RAB1A: variants seen among roughly 807,000 people sequenced by gnomAD.
RAB1A encodes the protein RAB1A, member RAS oncogene family, also known as ras-related protein Rab-1A.
RAB1A carries 2 observed loss-of-function variants against 26.0 expected under a neutral mutation model. That is an observed-to-expected ratio of 0.08 (90% CI 0.03 to 0.24). The LOEUF is 0.24. Among genes scored for constraint, RAB1A ranks in the 10% least tolerant of loss-of-function variants. RAB1A has a pLI of 1.00. For synonymous variants in RAB1A, 84 were observed against 84.9 expected, an observed-to-expected ratio of 0.99 and a Z score of 0.06; for missense variants, 100 against 247.0, an observed-to-expected ratio of 0.40 and a Z score of 3.99.
chr2:65,129,792 C>A, intron 1 of RAB1A, 101 bp downstream of exon 1: 1 of 1,533,030 alleles, frequency 6.5e-7, no homozygotes, highest in South Asian at 1.2e-5. Context: ...CTCGCCTCAC[C>A]CCAGCCGATG....
chr2:65,126,058 T>C (rs754155342), intron 1 of RAB1A, among the ~76,000 whole-genome samples: 3 of 151,260 alleles, frequency 2.0e-5, no homozygotes, highest in Non-Finnish European at 2.9e-5. Context: ...TTAGTAGAGA[T>C]AGGGTTTTGC....
intron 1 of RAB1A, among the ~76,000 whole-genome samples, chr2:65,123,909 A>C (rs1168381192): frequency 2.6e-5 from 4 of 151,730 alleles, no homozygotes; most frequent in African/African-American, 9.7e-5. Context: ...TTAAAAAAAA[A>C]AACTAAACTA....
At chr2:65,092,616 TTAAAG>T (rs1343175388) in intron 3 of RAB1A, among the ~76,000 whole-genome samples, 3 of 152,166 alleles carry the variant, frequency 2.0e-5, no homozygotes, top group Admixed American at 6.5e-5. Context: ...TTACAGCTGA[TTAAAG>T]TAAGCAATGG....
chr2:65,089,414 C>G (rs1394719066), intron 4 of RAB1A, among the ~76,000 whole-genome samples: 3 of 152,080 alleles, frequency 2.0e-5, no homozygotes, highest in Non-Finnish European at 1.5e-5. Context: ...TGGAGTTTCA[C>G]TATGTTGCCC....
chr2:65,094,337 C>G (rs1281982147), intron 3 of RAB1A, among the ~76,000 whole-genome samples: 1 of 152,188 alleles, frequency 6.6e-6, no homozygotes, highest in Non-Finnish European at 1.5e-5. Context: ...GTAATCCCAG[C>G]ACTTTGGGAG....
rs1670195101 is a variant in RAB1A at position 65,129,774 on chromosome 2, C to CCAT, written c.23+116_23+118dup. The CCAT allele has an allele frequency of 2.0e-6, 3 of 1,477,936 alleles. No individual in the cohort carries two copies. In the East Asian group the frequency reaches 7.4e-5, roughly 37 times the overall value. The allele number at this position is 1,477,936 out of a possible 1,614,324, so 91.6% of individuals were successfully genotyped here. A position where few individuals can be genotyped will look rare whatever the true frequency, so the allele number is the denominator to read the frequency against. On this transcript the variant is annotated intron_variant, in intron 1 of 5. Transcript: ENST00000409784. ...CTCCCGGCCGCCAGCCTCTCCTGACCCATCACCCTCGCCTCACCCCAGCCG... is the reference window on the plus strand; with the variant it reads ...CTCCCGGCCGCCAGCCTCTCCTGACCCATCATCACCCTCGCCTCACCCCAGCCG...
At chr2:65,112,119 A>T (rs1024453627) in intron 1 of RAB1A, among the ~76,000 whole-genome samples, 1 of 151,732 alleles carries the variant, frequency 6.6e-6, no homozygotes. Flanking sequence ...AAAATGACAA[A>T]CAATCACTTC....
Position 65,116,163 on chromosome 2 carries a change from A to C in RAB1A, c.24-11357T>G, listed in dbSNP as rs142376185. On this transcript the variant is annotated intron_variant, in intron 1 of 5. Transcript: ENST00000409784. ...CAGAGTGAGACTCCATCTCAAAAAA[A>C]TAAATAAATTAAATAAAATAAAAAT... Among the ~76,000 whole-genome samples, 1,140 of 152,282 alleles carry C rather than the reference A, an allele frequency of 7.5e-3. 11 individuals are homozygous for C. The highest frequency in any genetic ancestry group is 0.026 in the African/African-American group (1,081 of 41,554).
intron 1 of RAB1A, among the ~76,000 whole-genome samples, chr2:65,108,548 T>A (rs939818086): frequency 1.3e-5 from 2 of 152,032 alleles, no homozygotes; most frequent in African/African-American, 4.8e-5. Context: ...TCAGTGAGCC[T>A]GTAATCCCAG....
At chr2:65,125,990 G>C (rs1670092536) in intron 1 of RAB1A, among the ~76,000 whole-genome samples, 2 of 147,592 alleles carry the variant, frequency 1.4e-5, no homozygotes, top group Non-Finnish European at 3.0e-5. Context: ...TCCTGCCTCA[G>C]CCTCCCGAGT....
chr2:65,107,092 G>C (rs537868836), intron 1 of RAB1A, among the ~76,000 whole-genome samples: 3 of 150,786 alleles, frequency 2.0e-5, no homozygotes, highest in African/African-American at 7.3e-5. Context: ...TGAGACAAGA[G>C]TCTCGCTCTG....
intron 4 of RAB1A, among the ~76,000 whole-genome samples, chr2:65,090,412 G>GCATA (rs1245050995): frequency 6.6e-6 from 1 of 152,080 alleles, no homozygotes; most frequent in Non-Finnish European, 1.5e-5. Context: ...AAAAAGTTAT[G>GCATA]GCCCCTGGAT....
intron 1 of RAB1A, among the ~76,000 whole-genome samples, chr2:65,128,386 G>A (rs1196764415): frequency 6.6e-6 from 1 of 151,988 alleles, no homozygotes; most frequent in African/African-American, 2.4e-5. Flanking sequence ...TTGTTACCAA[G>A]AAAACTACTA....
chr2:65,090,922 C>A, intron 4 of RAB1A, 61 bp downstream of exon 4: 1 of 1,160,816 alleles, frequency 8.6e-7, no homozygotes, highest in South Asian at 1.5e-5. Flanking sequence ...ATGAATCTGA[C>A]ATTAATCAAA....
intron 1 of RAB1A, among the ~76,000 whole-genome samples, chr2:65,111,338 G>A (rs1669688259): frequency 6.6e-6 from 1 of 151,308 alleles, no homozygotes; most frequent in African/African-American, 2.4e-5. Context: ...CTCCAGCCTA[G>A]GCGACAGAAC....
Position 65,129,937 on chromosome 2 carries a change from G to T in RAB1A, c.-22C>A. On this transcript the variant is annotated 5_prime_UTR_variant, in exon 1 of 6. Coordinates refer to ENST00000409784, the MANE Select transcript of RAB1A (RefSeq NM_004161.5). The stretch of plus-strand genomic sequence containing the variant: ...ACATGTCACTGCAGCTGCCGCCGCC[G>T]CCACCGCCGCCCTTGCTGCCGCAGC... The T allele has an allele frequency of 6.3e-7, 1 of 1,581,198 alleles. No individual in the cohort carries two copies. Among genetic ancestry groups the T allele is most frequent in the South Asian group, 1.2e-5 (1 of 86,660 alleles).
At chr2:65,101,948 C>T (rs1033320468) in intron 2 of RAB1A, among the ~76,000 whole-genome samples, 1 of 151,952 alleles carries the variant, frequency 6.6e-6, no homozygotes, top group African/African-American at 2.4e-5. Context: ...AGGGTTTCTC[C>T]ATGTTGGTCA....
chr2:65,104,610 TA>T, intron 2 of RAB1A, 123 bp downstream of exon 2: 1 of 743,858 alleles, frequency 1.3e-6, no homozygotes, highest in East Asian at 2.8e-5. Context: ...TTGGAGTCTT[TA>T]AATATATAAA....
chr2:65,089,186 G>T, intron 4 of RAB1A, 116 bp from the exon 5 acceptor site: 1 of 999,328 alleles, frequency 1.0e-6, no homozygotes, highest in Non-Finnish European at 1.4e-6. Context: ...GACAACTCTA[G>T]CTACAAAATA....
Sources: allele counts gnomAD v4.1 joint callset (sites outside exome capture counted in the v4.1 genomes callset), GRCh38; gene constraint gnomAD v4.1.1; transcripts MANE v1.5; gene names NCBI Gene and HGNC (gene_info 2026-07-23, HGNC 2026-07-21).